Variants in UBA6 observed in about 807,000 individuals in gnomAD.
UBA6 encodes ubiquitin-like modifier-activating enzyme 6.
Under a neutral mutation model 148.3 loss-of-function variants are expected in UBA6, and 87 were observed. That is an observed-to-expected ratio of 0.59 (90% CI 0.49 to 0.70). UBA6 has a LOEUF of 0.70. Among genes scored for constraint, UBA6 ranks in the 30% least tolerant of loss-of-function variants. UBA6 has a pLI of 0.00. For synonymous variants in UBA6, 376 were observed against 401.0 expected (o/e 0.94, Z 0.75); for missense variants, 1,186 against 1,241.2 (o/e 0.96, Z 0.67).
At position 67,687,406 on chromosome 4, in the gene UBA6, G is replaced by A. The variant is rs74344228; in HGVS notation, c.135-5193C>T. ...AGAAACTGTGTAAAAGAAAGATTAA[G>A]CAACTAGCTCCAGTTCATATAAAAG... On this transcript the variant is annotated intron_variant, in intron 2 of 32. Coordinates refer to ENST00000322244, the MANE Select transcript of UBA6 (RefSeq NM_018227.6). 5.0e-3 allele frequency among the ~76,000 whole-genome samples: 755 copies of A among 152,214 alleles called. 9 individuals are homozygous for A. The highest frequency in any genetic ancestry group is 0.017 in the African/African-American group (709 of 41,526).
At chr4:67,655,670 G>C (rs1188172199) in intron 13 of UBA6, among the ~76,000 whole-genome samples, 1 of 151,870 alleles carries the variant, frequency 6.6e-6, no homozygotes, top group Non-Finnish European at 1.5e-5. Flanking sequence ...GCTAGCAGAA[G>C]GCAAGAAACA....
At chr4:67,633,069 G>T (rs1729037995) in intron 23 of UBA6, among the ~76,000 whole-genome samples, 1 of 151,934 alleles carries the variant, frequency 6.6e-6, no homozygotes, top group Non-Finnish European at 1.5e-5. Flanking sequence ...TTACAGATGG[G>T]GAAACAGACA....
chr4:67,664,050 G>A, intron 10 of UBA6, 103 bp from the exon 11 acceptor site: 2 of 845,706 alleles, frequency 2.4e-6, no homozygotes, highest in Admixed American at 5.1e-5. Context: ...ACTCTCCCAA[G>A]GGTCTGAAAT....
rs766047688 is a variant in UBA6, at chr4:67,701,096, G to C, written c.24C>G (p.Ala8=). MEGSEPV[A]AHQGEEASCS... is the part of the protein sequence containing the mutation. The stretch of plus-strand genomic sequence containing the variant: ...AGGACGCCTCTTCCCCCTGATGGGC[G>C]GCCACAGGCTCGGATCCTTCCATTG... Residue 8 remains alanine (A), a synonymous_variant, in exon 1 of 33, where the codon GCC becomes GCG. Coordinates refer to ENST00000322244, the MANE Select transcript of UBA6 (RefSeq NM_018227.6). 4 of 1,613,596 alleles carry C rather than the reference G, an allele frequency of 2.5e-6. No homozygotes were observed. The highest frequency in any genetic ancestry group is 3.4e-6 in the Non-Finnish European group (4 of 1,179,832).
At chr4:67,669,147 T>C (rs1388622694) in intron 8 of UBA6, among the ~76,000 whole-genome samples, 1 of 152,204 alleles carries the variant, frequency 6.6e-6, no homozygotes, top group Non-Finnish European at 1.5e-5. Context: ...GTGTAGCTTA[T>C]CAGCTATATT....
intron 18 of UBA6, among the ~76,000 whole-genome samples, chr4:67,640,079 A>G (rs896586537): frequency 1.8e-4 from 27 of 152,218 alleles, no homozygotes; most frequent in African/African-American, 6.5e-4. Context: ...TTGGCATTAA[A>G]TATCTTTAGG....
At chr4:67,626,995 T>C (rs1447112865) in intron 27 of UBA6, among the ~76,000 whole-genome samples, 1 of 151,968 alleles carries the variant, frequency 6.6e-6, no homozygotes, top group Non-Finnish European at 1.5e-5. Flanking sequence ...AATATGGCCA[T>C]CCTTTAAATA....
chr4:67,646,177 C>A (rs551621751), intron 15 of UBA6, among the ~76,000 whole-genome samples, 161 bp from the exon 16 acceptor site: 33 of 152,260 alleles, frequency 2.2e-4, no homozygotes, highest in African/African-American at 7.7e-4. Context: ...ATAAAGAAAT[C>A]CATTTTTCCT....
intron 28 of UBA6, among the ~76,000 whole-genome samples, chr4:67,625,699 T>C (rs1317252720): frequency 6.6e-6 from 1 of 151,956 alleles, no homozygotes; most frequent in Non-Finnish European, 1.5e-5. Flanking sequence ...TTCTGGGTTA[T>C]TTTTCCTGAA....
intron 5 of UBA6, 74 bp downstream of exon 5, chr4:67,678,365 T>C (rs1233222465): frequency 1.2e-6 from 1 of 825,694 alleles, no homozygotes; most frequent in Non-Finnish European, 1.8e-6. Flanking sequence ...GACTGATTGG[T>C]GTTCTAGATA....
At chr4:67,651,409 A>T (rs1577809886) in intron 13 of UBA6, among the ~76,000 whole-genome samples, 1 of 152,206 alleles carries the variant, frequency 6.6e-6, no homozygotes, top group East Asian at 1.9e-4. Context: ...CTGAGATATA[A>T]CCTGGTAAAA....
rs1577822370 is a variant in UBA6 at position 67,665,188 on chromosome 4, CA to C, written c.897del (p.Phe299LeufsTer8). ...VQVKTPKTVF[F>X]ESLERQLKHP... Reference sequence around the variant, plus strand: ...TTTTAAGCCGAAAAAAAAATACTTACAAAAAAAACTGTTTTAGGAGTCTTAA... The same window carrying C: ...TTTTAAGCCGAAAAAAAAATACTTACAAAAAAACTGTTTTAGGAGTCTTAA... On this transcript the variant is annotated frameshift_variant and splice_region_variant, in exon 10 of 33. Transcript: ENST00000322244. LOFTEE classifies it high-confidence loss of function. 32 of 1,547,366 alleles carry C rather than the reference CA, an allele frequency of 2.1e-5. No individual in the cohort carries two copies. The highest frequency in any genetic ancestry group is 6.4e-5 in the South Asian group (5 of 78,572).
chr4:67,620,444 TTTAATGA>T (rs1390078836), intron 32 of UBA6, among the ~76,000 whole-genome samples: 1 of 152,202 alleles, frequency 6.6e-6, no homozygotes, highest in African/African-American at 2.4e-5. Flanking sequence ...TCAATTATAC[TTTAATGA>T]TTAACATGAC....
intron 9 of UBA6, among the ~76,000 whole-genome samples, chr4:67,666,199 A>G (rs1219520251): frequency 6.6e-6 from 1 of 152,178 alleles, no homozygotes; most frequent in Non-Finnish European, 1.5e-5. Flanking sequence ...TTTCTTAAAA[A>G]GAAAAAACAT....
At chr4:67,675,827 T>G (rs999881198) in intron 6 of UBA6, among the ~76,000 whole-genome samples, 2 of 152,064 alleles carry the variant, frequency 1.3e-5, no homozygotes, top group Non-Finnish European at 2.9e-5. Flanking sequence ...TCTTTGAGGT[T>G]TAATAGTTTG....
chr4:67,656,215 C>T (rs940323798), intron 13 of UBA6, among the ~76,000 whole-genome samples: 6 of 152,152 alleles, frequency 3.9e-5, no homozygotes, highest in Admixed American at 6.5e-5. Flanking sequence ...GATACCAAAG[C>T]CTGGCAGAGA....
At chr4:67,620,625 G>A (rs913343179) in intron 32 of UBA6, among the ~76,000 whole-genome samples, 1 of 152,190 alleles carries the variant, frequency 6.6e-6, no homozygotes, top group Non-Finnish European at 1.5e-5. Context: ...AAGGAACTTA[G>A]AAGGATAACT....
At chr4:67,671,288 T>C (rs1730142667) in intron 7 of UBA6, among the ~76,000 whole-genome samples, 1 of 152,172 alleles carries the variant, frequency 6.6e-6, no homozygotes, top group Non-Finnish European at 1.5e-5. Flanking sequence ...ATAATGTTTT[T>C]CTAACATAAT....
chr4:67,657,826 CAAAAAA>C (rs57984969), intron 13 of UBA6, among the ~76,000 whole-genome samples: 50 of 115,148 alleles, frequency 4.3e-4, no homozygotes, highest in Admixed American at 8.2e-4. Flanking sequence ...AACAAATTTA[CAAAAAA>C]AAAAAAAAAA....
Sources: allele counts gnomAD v4.1 joint callset (sites outside exome capture counted in the v4.1 genomes callset), GRCh38; gene constraint gnomAD v4.1.1; transcripts MANE v1.5; gene names NCBI Gene and HGNC (gene_info 2026-07-23, HGNC 2026-07-21).